MTMR1: variants seen among roughly 807,000 people sequenced by gnomAD.
The protein encoded by MTMR1 is phosphatidylinositol-3-phosphate phosphatase MTMR1.
MTMR1 carries 17 observed loss-of-function variants against 51.6 expected under a neutral mutation model. The ratio of observed to expected loss-of-function variants is 0.33; its 90% CI spans 0.23 to 0.49. The LOEUF (loss-of-function observed/expected upper bound fraction) is 0.49. MTMR1 is among the 20% of genes least tolerant of loss of function. The pLI, the probability that MTMR1 is intolerant of heterozygous loss-of-function variation, is 0.99. For synonymous variants in MTMR1, 201 were observed against 205.6 expected, an observed-to-expected ratio of 0.98 and a Z score of 0.19; for missense variants, 386 against 526.9, an observed-to-expected ratio of 0.73 and a Z score of 2.62.
intron 3 of MTMR1, 133 bp downstream of exon 3, chrX:150,712,498 T>A: frequency 5.1e-6 from 3 of 584,933 alleles, no homozygotes; most frequent in Non-Finnish European, 8.0e-6. Flanking sequence ...TTTGCTCTGC[T>A]GTGTTATAGC....
intron 14 of MTMR1, 56 bp downstream of exon 14, chrX:150,750,899 C>T (rs782461930): frequency 6.3e-5 from 66 of 1,049,850 alleles, no homozygotes; most frequent in Non-Finnish European, 1.1e-5. Context: ...CACCTCTCCT[C>T]GGAAGTGCTA....
chrX:150,759,412 TGG>T (rs1557417879), intron 15 of MTMR1, among the ~76,000 whole-genome samples: 36 of 109,280 alleles, frequency 3.3e-4, no homozygotes, highest in African/African-American at 1.2e-3. Context: ...GGGTGGTTGG[TGG>T]AGTGTCATGA....
chrX:150,749,429 C>A (rs1161012113), intron 13 of MTMR1, among the ~76,000 whole-genome samples: 1 of 112,443 alleles, frequency 8.9e-6, no homozygotes, highest in Non-Finnish European at 1.9e-5. Flanking sequence ...CTGGGTAGTA[C>A]TATTTGGCTT....
chrX:150,727,568 C>T, intron 5 of MTMR1, 116 bp from the exon 6 acceptor site: 1 of 574,169 alleles, frequency 1.7e-6, no homozygotes, highest in Non-Finnish European at 2.8e-6. Context: ...TTCAATTTAG[C>T]TGGGACAAAG....
chrX:150,740,485 A>G (rs1557417283), intron 12 of MTMR1, among the ~76,000 whole-genome samples: 1 of 110,873 alleles, frequency 9.0e-6, no homozygotes, highest in African/African-American at 3.3e-5. Flanking sequence ...TCCTTGGATC[A>G]TTTTTCTTCT....
chrX:150,736,829 G>T (rs782271951), intron 11 of MTMR1, 49 bp downstream of exon 11: 2 of 1,094,103 alleles, frequency 1.8e-6, no homozygotes, highest in East Asian at 6.2e-5. Context: ...ACTTCTTTGT[G>T]CCTGTGCCAT....
intron 14 of MTMR1, chrX:150,751,253 C>T (rs1470747076): frequency 6.6e-6 from 5 of 757,209 alleles, no homozygotes; most frequent in Non-Finnish European, 8.0e-6. Context: ...AGCAAGCTAA[C>T]ACTTTTTTAC....
intron 4 of MTMR1, among the ~76,000 whole-genome samples, chrX:150,719,941 G>T (rs1388604721): frequency 9.0e-6 from 1 of 111,467 alleles, no homozygotes; most frequent in Non-Finnish European, 1.9e-5. Context: ...TGGAAACAGA[G>T]CTCAGAGAGA....
At chrX:150,743,594 A>G (rs2042496193) in intron 12 of MTMR1, among the ~76,000 whole-genome samples, 2 of 111,039 alleles carry the variant, frequency 1.8e-5, no homozygotes, top group South Asian at 7.5e-4. Flanking sequence ...TTTCTAAGTG[A>G]TTGCTTTGTA....
intron 14 of MTMR1, among the ~76,000 whole-genome samples, chrX:150,753,391 G>T (rs1182196562): frequency 8.9e-6 from 1 of 112,232 alleles, no homozygotes; most frequent in South Asian, 3.6e-4. Flanking sequence ...TTAACCTATT[G>T]AGGAACTGCC....
chrX:150,729,218 CCA>C (rs57306023), intron 6 of MTMR1, among the ~76,000 whole-genome samples: 1,977 of 99,924 alleles, frequency 0.02, 54 homozygotes, highest in African/African-American at 0.065. Context: ...ACACACCCAC[CCA>C]CACACACACA....
At chrX:150,746,706 C>T (rs1175262095) in intron 13 of MTMR1, among the ~76,000 whole-genome samples, 2 of 111,957 alleles carry the variant, frequency 1.8e-5, no homozygotes, top group African/African-American at 6.5e-5. Flanking sequence ...ATGTCTAAGC[C>T]ATGTCATTTT....
chrX:150,712,823 C>T (rs1025251652), intron 3 of MTMR1: 3 of 346,664 alleles, frequency 8.7e-6, no homozygotes, highest in Non-Finnish European at 1.2e-5. Flanking sequence ...TCCAAAAAAG[C>T]AGAAGTGCTA....
intron 13 of MTMR1, among the ~76,000 whole-genome samples, chrX:150,750,137 T>C (rs1156807579): frequency 9.2e-6 from 1 of 108,633 alleles, no homozygotes; most frequent in Non-Finnish European, 1.9e-5. Context: ...AAAAAAAAAA[T>C]TCAGGGGTGT....
At chrX:150,753,197 G>A (rs1248195903) in intron 14 of MTMR1, among the ~76,000 whole-genome samples, 4 of 112,292 alleles carry the variant, frequency 3.6e-5, no homozygotes, top group East Asian at 2.8e-4. Flanking sequence ...GCAATATTCC[G>A]TTATATGGAT....
At chrX:150,701,552 G>A (rs919801764) in intron 2 of MTMR1, among the ~76,000 whole-genome samples, 12 of 112,652 alleles carry the variant, frequency 1.1e-4, no homozygotes, top group Admixed American at 1.0e-3. Flanking sequence ...TATTTGAAAT[G>A]CTGATTGTCT....
At chrX:150,756,893 C>T (rs868951431) in intron 15 of MTMR1, among the ~76,000 whole-genome samples, 6 of 111,809 alleles carry the variant, frequency 5.4e-5, no homozygotes, top group South Asian at 7.5e-4. Context: ...TCAAGTGATC[C>T]GCCCGCCTCG....
At chrX:150,735,586 C>A in intron 10 of MTMR1, 3 of 433,617 alleles carry the variant, frequency 6.9e-6, no homozygotes, top group Non-Finnish European at 1.2e-5. Context: ...AATTGGACTT[C>A]TGCCTCACAC....
chrX:150,714,674 T>C (rs181120834), intron 3 of MTMR1: 137 of 296,091 alleles, frequency 4.6e-4, no homozygotes, highest in African/African-American at 3.6e-3. Flanking sequence ...TTTGGTAGAT[T>C]CCATATGACA....
Sources: allele counts gnomAD v4.1 joint callset (sites outside exome capture counted in the v4.1 genomes callset), GRCh38; gene constraint gnomAD v4.1.1; transcripts MANE v1.5; gene names NCBI Gene and HGNC (gene_info 2026-07-23, HGNC 2026-07-21).